Variants in BCKDHB observed in about 807,000 individuals in gnomAD.
BCKDHB encodes branched chain keto acid dehydrogenase E1 subunit beta.
A neutral mutation model predicts 48.5 loss-of-function variants in BCKDHB; 41 were observed. The observed-to-expected ratio is 0.85, with a 90% CI of 0.66 to 1.10. BCKDHB has a LOEUF of 1.10. Among genes scored for constraint, BCKDHB ranks in the 50% least tolerant of loss-of-function variants. The probability of loss-of-function intolerance (pLI) is 0.00; values close to 1 mark genes in which losing one functional copy is unlikely to be tolerated. For synonymous variants in BCKDHB, 201 were observed against 174.8 expected (o/e 1.15, Z -1.18); for missense variants, 496 against 494.2 (o/e 1.00, Z -0.03).
the BCKDHB span, among the ~76,000 whole-genome samples, chr6:80,390,897 T>A: frequency 6.6e-6 from 1 of 152,088 alleles, no homozygotes; most frequent in African/African-American, 2.4e-5. Flanking sequence ...AGACCCACCC[T>A]TAATCGAGTG....
the BCKDHB span, among the ~76,000 whole-genome samples, chr6:80,385,292 C>T: frequency 3.3e-5 from 5 of 152,142 alleles, no homozygotes; most frequent in African/African-American, 1.2e-4. Flanking sequence ...TGTGAAAAAA[C>T]AGACACAAGC....
At chr6:80,126,520 G>A (rs1211369036) in intron 1 of BCKDHB, among the ~76,000 whole-genome samples, 1 of 152,164 alleles carries the variant, frequency 6.6e-6, no homozygotes, top group Non-Finnish European at 1.5e-5. Flanking sequence ...GGTTAGGTGG[G>A]CAGTGATCAG....
intron 9 of BCKDHB, among the ~76,000 whole-genome samples, chr6:80,312,394 C>T (rs997042108): frequency 1.3e-5 from 2 of 152,180 alleles, no homozygotes; most frequent in African/African-American, 4.8e-5. Context: ...GACTTCCTCT[C>T]TCTTTATTTG....
chr6:80,141,918 T>A (rs578156148), intron 3 of BCKDHB, among the ~76,000 whole-genome samples: 1 of 152,214 alleles, frequency 6.6e-6, no homozygotes, highest in African/African-American at 2.4e-5. Flanking sequence ...TTCTGAAAAT[T>A]CTCTTCTAGA....
intron 8 of BCKDHB, among the ~76,000 whole-genome samples, chr6:80,261,372 T>A (rs1437967492): frequency 1.3e-5 from 2 of 151,932 alleles, no homozygotes; most frequent in African/African-American, 4.8e-5. Flanking sequence ...GGGGAAAGCA[T>A]CCTCACTGCC....
intron 8 of BCKDHB, among the ~76,000 whole-genome samples, chr6:80,235,561 A>T (rs1220353899): frequency 6.6e-6 from 1 of 152,186 alleles, no homozygotes; most frequent in Non-Finnish European, 1.5e-5. Flanking sequence ...TGGGACTAAA[A>T]ATCTAGGTTA....
intron 9 of BCKDHB, among the ~76,000 whole-genome samples, chr6:80,294,611 T>C (rs1273088005): frequency 6.6e-6 from 1 of 151,922 alleles, no homozygotes; most frequent in African/African-American, 2.4e-5. Context: ...CTGGGGGAGG[T>C]CTATAAACGA....
intron 8 of BCKDHB, among the ~76,000 whole-genome samples, chr6:80,244,786 A>G (rs1776537885): frequency 1.3e-5 from 2 of 152,226 alleles, no homozygotes; most frequent in South Asian, 4.1e-4. Flanking sequence ...CGGCAGCAGA[A>G]GAAAGATGAC....
chr6:80,258,892 A>G (rs551467732), intron 8 of BCKDHB, among the ~76,000 whole-genome samples: 11 of 152,212 alleles, frequency 7.2e-5, no homozygotes, highest in African/African-American at 2.4e-4. Flanking sequence ...ACTCCCCCCC[A>G]GTTCTTTCTT....
chr6:80,186,356 G>A (rs1468706051), intron 6 of BCKDHB, among the ~76,000 whole-genome samples: 1 of 152,150 alleles, frequency 6.6e-6, no homozygotes, highest in African/African-American at 2.4e-5. Context: ...GGGAAAGCCG[G>A]CAGTGACAGG....
At chr6:80,337,435 T>C (rs1402615893) in intron 9 of BCKDHB, among the ~76,000 whole-genome samples, 1 of 152,084 alleles carries the variant, frequency 6.6e-6, no homozygotes, top group African/African-American at 2.4e-5. Flanking sequence ...ATATCTGCTG[T>C]TTTATTAATT....
chr6:80,133,313 A>G (rs1770724488), intron 3 of BCKDHB, among the ~76,000 whole-genome samples: 1 of 152,236 alleles, frequency 6.6e-6, no homozygotes, highest in Non-Finnish European at 1.5e-5. Context: ...AATTAGAGGC[A>G]ATGCTATAAG....
intron 9 of BCKDHB, among the ~76,000 whole-genome samples, chr6:80,310,228 ATTC>A (rs1384374112): frequency 3.3e-5 from 5 of 152,068 alleles, no homozygotes; most frequent in African/African-American, 4.8e-5. Context: ...TCTATTAGCT[ATTC>A]TTCTTGATGC....
rs190352691 is a variant in BCKDHB at position 80,291,571 on chromosome 6, C to A, written c.1038+18350C>A. 8.7e-4 allele frequency among the ~76,000 whole-genome samples: 132 copies of A among 152,300 alleles called. 1 individual carries two copies. The highest frequency in any genetic ancestry group is 3.0e-3 in the African/African-American group (126 of 41,564). ...TCCATGAACTCGGCAACTGCTGGAA[C>A]CAAGCTGATATGGGGTTACTAGCTG... On this transcript the variant is annotated intron_variant, in intron 9 of 9. Transcript: ENST00000320393.
At chr6:80,446,396 G>T in the BCKDHB span, among the ~76,000 whole-genome samples, 1 of 152,226 alleles carries the variant, frequency 6.6e-6, no homozygotes, top group Non-Finnish European at 1.5e-5. Flanking sequence ...AGAAGGTACA[G>T]AACACATTTT....
intron 6 of BCKDHB, among the ~76,000 whole-genome samples, chr6:80,184,695 GGTTA>G (rs963056316): frequency 2.0e-5 from 3 of 152,074 alleles, no homozygotes; most frequent in African/African-American, 7.2e-5. Context: ...TATTTATGAA[GGTTA>G]GTTTTGCGGC....
the BCKDHB span, among the ~76,000 whole-genome samples, chr6:80,416,155 T>C: frequency 2.0e-5 from 3 of 152,152 alleles, no homozygotes; most frequent in South Asian, 6.2e-4. Context: ...ATTTGTCTTC[T>C]CTCTTTTCTT....
At chr6:80,221,321 C>A (rs569594403) in intron 8 of BCKDHB, among the ~76,000 whole-genome samples, 1 of 152,172 alleles carries the variant, frequency 6.6e-6, no homozygotes, top group East Asian at 1.9e-4. Context: ...TACCCCTTCC[C>A]GACTTTGTTG....
At chr6:80,196,270 C>T (rs1214710841) in intron 6 of BCKDHB, among the ~76,000 whole-genome samples, 1 of 152,094 alleles carries the variant, frequency 6.6e-6, no homozygotes. Context: ...TAGATGTATA[C>T]ACAAGCATAA....
Sources: gnomAD v4.1 joint callset for allele counts (sites outside exome capture counted in the v4.1 genomes callset) on GRCh38, gnomAD v4.1.1 for gene constraint, MANE v1.5 for transcripts, NCBI Gene and HGNC (gene_info 2026-07-23, HGNC 2026-07-21) for gene names.